Variants in PDE11A observed in about 807,000 individuals in gnomAD.
The protein encoded by PDE11A is phosphodiesterase 11A, also known as dual 3',5'-cyclic-AMP and -GMP phosphodiesterase 11A.
Under a neutral mutation model 100.5 loss-of-function variants are expected in PDE11A, and 100 were observed. The observed-to-expected ratio is 1.00, with a 90% CI of 0.85 to 1.18. The LOEUF (loss-of-function observed/expected upper bound fraction) is 1.18. Among genes scored for constraint, PDE11A ranks in the 50% most tolerant of loss-of-function variants. The pLI is 0.00. For missense variants in PDE11A, 1,141 were observed against 1,152.6 expected (o/e 0.99, Z 0.15); for synonymous variants, 381 against 420.8 (o/e 0.91, Z 1.16).
At chr2:177,709,785 C>T (rs1204023400) in intron 13 of PDE11A, among the ~76,000 whole-genome samples, 2 of 151,738 alleles carry the variant, frequency 1.3e-5, no homozygotes, top group East Asian at 2.0e-4. Context: ...AAGGAGGGAG[C>T]GACAAAGTAT....
rs1393478467 is a variant in PDE11A, at chr2:177,701,159, G to A, written c.2206C>T (p.His736Tyr). 3 of 1,608,096 alleles carry A rather than the reference G, an allele frequency of 1.9e-6. No individual in the cohort carries two copies. The highest frequency in any genetic ancestry group is 2.6e-6 in the Non-Finnish European group (3 of 1,174,642). Residue 736 changes from histidine to tyrosine, a missense_variant, in exon 14 of 20, where the codon CAC (histidine) becomes TAC (tyrosine). By Grantham distance (83) the His-to-Tyr change is moderately conservative (BLOSUM62 2). Transcript: ENST00000286063. ...LYGTSATLEH[H>Y]HFNHAVMILQ... ...ATCATCACGGCGTGGTTGAAATGGT[G>A]ATGCTCCAAGGTAGCAGAGGTTCCA... is the stretch of plus-strand genomic sequence containing the variant.
intron 2 of PDE11A, among the ~76,000 whole-genome samples, chr2:177,980,982 AC>A (rs2085873997): frequency 2.3e-5 from 1 of 43,090 alleles, no homozygotes; most frequent in African/African-American, 3.2e-4. Flanking sequence ...AGATACACAC[AC>A]ACACACACAC....
chr2:177,713,442 C>G (rs948442508), intron 12 of PDE11A, among the ~76,000 whole-genome samples: 1 of 151,970 alleles, frequency 6.6e-6, no homozygotes, highest in Non-Finnish European at 1.5e-5. Flanking sequence ...TTGCATATGC[C>G]GGCCAGGCAC....
chr2:177,909,712 C>G (rs1275957281), intron 2 of PDE11A, among the ~76,000 whole-genome samples: 1 of 152,100 alleles, frequency 6.6e-6, no homozygotes, highest in Non-Finnish European at 1.5e-5. Context: ...CTCCTTCCTT[C>G]TTTCTGTGAT....
At chr2:177,774,642 T>C (rs1318686186) in intron 9 of PDE11A, among the ~76,000 whole-genome samples, 1 of 152,240 alleles carries the variant, frequency 6.6e-6, no homozygotes, top group Non-Finnish European at 1.5e-5. Flanking sequence ...TCTCATGGCT[T>C]TATACACCAT....
At chr2:177,869,962 T>C (rs757413935) in intron 5 of PDE11A, among the ~76,000 whole-genome samples, 1 of 152,250 alleles carries the variant, frequency 6.6e-6, no homozygotes, top group Non-Finnish European at 1.5e-5. Flanking sequence ...TTCCAATCAG[T>C]TGAAAATTTT....
rs1574145542 is a variant in PDE11A, at chr2:177,790,744, C to G, written c.1738-21371G>C. 3.3e-5 allele frequency among the ~76,000 whole-genome samples: 5 copies of G among 152,324 alleles called. 1 individual carries two copies. The South Asian group carries it at 1.0e-3, about 32-fold the overall frequency. ...AGTGGGCGAAGGATATGAACAGACACTTCTCAAAAGACATTTATGCAGCCA... is the reference window on the plus strand; with the variant it reads ...AGTGGGCGAAGGATATGAACAGACAGTTCTCAAAAGACATTTATGCAGCCA... On this transcript the variant is annotated intron_variant, in intron 9 of 19. Coordinates refer to ENST00000286063, the MANE Select transcript of PDE11A (RefSeq NM_016953.4).
In PDE11A at chr2:177,845,335, C is replaced by T. The variant is rs1315292747; in HGVS notation, c.1368-4952G>A. On this transcript the variant is annotated intron_variant, in intron 5 of 19. Coordinates refer to ENST00000286063, the MANE Select transcript of PDE11A (RefSeq NM_016953.4). ...CAGACGGGGCGGCCGGGCAGAGTCG[C>T]TCCTCACCTCCCAGATGGGGTCTCG... Among the ~76,000 whole-genome samples the T allele has an allele frequency of 4.1e-5, 6 of 146,418 alleles. 1 individual carries two copies. The highest frequency in any genetic ancestry group is 1.5e-4 in the African/African-American group (6 of 39,154).
intron 2 of PDE11A, among the ~76,000 whole-genome samples, chr2:178,001,759 T>C (rs2086147716): frequency 6.6e-6 from 1 of 152,090 alleles, no homozygotes; most frequent in African/African-American, 2.4e-5. Flanking sequence ...TTAGGAAAGT[T>C]AGGATTAGCT....
chr2:177,791,913 C>T (rs1036127469), intron 9 of PDE11A, among the ~76,000 whole-genome samples: 33 of 152,002 alleles, frequency 2.2e-4, no homozygotes, highest in Non-Finnish European at 7.4e-5. Context: ...AAAGAAATTG[C>T]CTATTTCTTT....
At chr2:177,977,383 G>A (rs1433333875) in intron 2 of PDE11A, among the ~76,000 whole-genome samples, 22 of 146,252 alleles carry the variant, frequency 1.5e-4, no homozygotes, top group African/African-American at 5.0e-4. Flanking sequence ...ACTTACAAGG[G>A]ATGTGAAGGA....
chr2:178,064,798 A>T (rs1442136187), intron 1 of PDE11A, among the ~76,000 whole-genome samples: 1 of 152,120 alleles, frequency 6.6e-6, no homozygotes. Flanking sequence ...GTCTCTAAAA[A>T]AAAGAAAAAA....
chr2:177,623,856 T>C lies in PDE11A; in HGVS notation c.*5551A>G, dbSNP rs1394209204. 6.6e-6 allele frequency: 1 copy of C among 152,198 alleles called. No individual in the cohort carries two copies. The highest frequency in any genetic ancestry group is 1.5e-5 in the Non-Finnish European group (1 of 68,034). The allele number at this position is 152,198 out of a possible 1,614,324, so 9.4% of individuals were successfully genotyped here. ...AGAGGTACCAAACATGCAAGAACAT[T>C]CAAAATTAAATTTAAAAAAGTACAA... On this transcript the variant is annotated 3_prime_UTR_variant, in exon 20 of 20. Transcript: ENST00000286063.
intron 9 of PDE11A, among the ~76,000 whole-genome samples, chr2:177,786,315 G>A (rs1338101976): frequency 2.0e-5 from 3 of 152,184 alleles, no homozygotes; most frequent in African/African-American, 7.2e-5. Context: ...CAACAGACCT[G>A]CAGCTGAGGG....
At chr2:178,052,948 G>A (rs2086847836) in intron 1 of PDE11A, among the ~76,000 whole-genome samples, 1 of 152,138 alleles carries the variant, frequency 6.6e-6, no homozygotes, top group Non-Finnish European at 1.5e-5. Context: ...AAGAGGAGCT[G>A]GTACCATTCC....
intron 1 of PDE11A, among the ~76,000 whole-genome samples, chr2:178,064,068 A>T (rs2087007708): frequency 6.6e-6 from 1 of 152,202 alleles, no homozygotes; most frequent in South Asian, 2.1e-4. Flanking sequence ...AGATTTGATG[A>T]TTAGAGGTTT....
chr2:178,042,571 G>A (rs547664717), intron 1 of PDE11A, among the ~76,000 whole-genome samples: 3 of 151,940 alleles, frequency 2.0e-5, no homozygotes, highest in South Asian at 2.1e-4. Flanking sequence ...TTCCCCTTAC[G>A]TATACAACTT....
chr2:177,807,379 G>A (rs1211833982), intron 9 of PDE11A, among the ~76,000 whole-genome samples: 1 of 151,896 alleles, frequency 6.6e-6, no homozygotes, highest in Non-Finnish European at 1.5e-5. Context: ...TATAACAATT[G>A]CATTGTTCTT....
At chr2:178,034,646 G>A (rs2086588213) in intron 1 of PDE11A, among the ~76,000 whole-genome samples, 1 of 152,160 alleles carries the variant, frequency 6.6e-6, no homozygotes. Flanking sequence ...TTCAGCAAAT[G>A]TAAAAGAACA....
Sources: gnomAD v4.1 joint callset for allele counts (sites outside exome capture counted in the v4.1 genomes callset) on GRCh38, gnomAD v4.1.1 for gene constraint, MANE v1.5 for transcripts, NCBI Gene and HGNC (gene_info 2026-07-23, HGNC 2026-07-21) for gene names.